The following ARIH2 variants were observed in gnomAD, a reference collection of about 807,000 sequenced individuals.
ARIH2 encodes the protein E3 ubiquitin-protein ligase ARIH2.
A neutral mutation model predicts 79.8 loss-of-function variants in ARIH2; 12 were observed. That is an observed-to-expected ratio of 0.15 (90% CI 0.10 to 0.24). The LOEUF is 0.24. Among genes scored for constraint, ARIH2 ranks in the 10% least tolerant of loss-of-function variants. The pLI, the probability that ARIH2 is intolerant of heterozygous loss-of-function variation, is 1.00. For missense variants in ARIH2, 301 were observed against 618.3 expected (o/e 0.49, Z 5.44); for synonymous variants, 224 against 213.9 (o/e 1.05, Z -0.41).
intron 14 of ARIH2, among the ~76,000 whole-genome samples, chr3:48,982,113 TTTA>T (rs1340247399): frequency 6.6e-6 from 1 of 152,228 alleles, no homozygotes; most frequent in East Asian, 1.9e-4. Context: ...TGAATATGAA[TTTA>T]TTGTTATTAC....
intron 3 of ARIH2, among the ~76,000 whole-genome samples, chr3:48,939,482 GC>G (rs139351797): frequency 0.023 from 3,452 of 151,812 alleles, 147 homozygotes; most frequent in African/African-American, 0.078. Flanking sequence ...AATTAGCTGG[GC>G]GCGGTGACTC....
chr3:48,942,645 A>AT (rs745532484), intron 3 of ARIH2, among the ~76,000 whole-genome samples: 6,362 of 104,538 alleles, frequency 0.061, 245 homozygotes, highest in Non-Finnish European at 0.074. Context: ...TGCCCGGCTA[A>AT]TTTTTTTTTT....
intron 1 of ARIH2, chr3:48,919,256 G>T: frequency 8.2e-7 from 1 of 1,213,636 alleles, no homozygotes. Context: ...ACCAACCGGC[G>T]CCGGCACATC....
chr3:48,957,061 G>A (rs1314294712), intron 3 of ARIH2, among the ~76,000 whole-genome samples: 3 of 152,204 alleles, frequency 2.0e-5, no homozygotes, highest in South Asian at 2.1e-4. Context: ...TAAAAGAATA[G>A]ATTTACACCT....
chr3:48,929,287 G>T (rs1434783985), intron 3 of ARIH2, among the ~76,000 whole-genome samples: 1 of 151,836 alleles, frequency 6.6e-6, no homozygotes. Flanking sequence ...TGCCCTGCTA[G>T]AGACAGCTGA....
chr3:48,968,498 C>A (rs369193392), intron 6 of ARIH2, 36 bp from the exon 7 acceptor site: 1 of 1,591,560 alleles, frequency 6.3e-7, no homozygotes, highest in South Asian at 1.1e-5. Flanking sequence ...CATGAGCTAT[C>A]GCACCTGGCC....
intron 3 of ARIH2, chr3:48,945,324 A>G: frequency 1.5e-6 from 1 of 646,758 alleles, no homozygotes; most frequent in African/African-American, 1.9e-5. Flanking sequence ...CTAAAAAGAT[A>G]AAGAAGCCAC....
intron 2 of ARIH2, among the ~76,000 whole-genome samples, chr3:48,924,264 G>T (rs969177225): frequency 4.6e-5 from 7 of 151,940 alleles, no homozygotes; most frequent in Admixed American, 3.3e-4. Context: ...CAAAGTGTGG[G>T]GATTATGATA....
chr3:48,949,519 A>G (rs1171424197), intron 3 of ARIH2, among the ~76,000 whole-genome samples: 1 of 152,140 alleles, frequency 6.6e-6, no homozygotes, highest in Non-Finnish European at 1.5e-5. Flanking sequence ...AGCACTTGGT[A>G]TTTTAGGTCT....
At chr3:48,946,944 G>A (rs776979137) in intron 3 of ARIH2, among the ~76,000 whole-genome samples, 3 of 152,084 alleles carry the variant, frequency 2.0e-5, no homozygotes, top group Admixed American at 6.5e-5. Context: ...CCTAGCTCCC[G>A]GTAAAATGAG....
intron 1 of ARIH2, chr3:48,919,332 A>G: frequency 1.4e-6 from 1 of 716,708 alleles, no homozygotes; most frequent in Non-Finnish European, 2.0e-6. Flanking sequence ...CACTCGAGTC[A>G]TCTTTGGGAG....
intron 3 of ARIH2, chr3:48,945,083 T>C: frequency 7.8e-7 from 1 of 1,279,672 alleles, no homozygotes; most frequent in Non-Finnish European, 1.0e-6. Flanking sequence ...TTCAGGCAGT[T>C]GGCAAGTAAG....
chr3:48,964,852 G>C (rs980816988), intron 4 of ARIH2, 67 bp from the exon 5 acceptor site: 1 of 1,247,810 alleles, frequency 8.0e-7, no homozygotes, highest in Non-Finnish European at 1.2e-6. Context: ...TCTCTGTCCT[G>C]TTATTGTTCA....
intron 3 of ARIH2, chr3:48,948,928 C>T: frequency 1.7e-5 from 6 of 350,152 alleles, no homozygotes; most frequent in Middle Eastern, 7.7e-4. Context: ...ATGGATATGC[C>T]ACATTTTGTT....
chr3:48,931,406 G>A (rs905140195), intron 3 of ARIH2, among the ~76,000 whole-genome samples: 1 of 152,010 alleles, frequency 6.6e-6, no homozygotes, highest in Non-Finnish European at 1.5e-5. Context: ...AAAATTAGTC[G>A]GGTGTGGTGA....
chr3:48,968,743 C>T, intron 7 of ARIH2, 88 bp downstream of exon 7: 1 of 1,522,364 alleles, frequency 6.6e-7, no homozygotes, highest in South Asian at 1.2e-5. Context: ...GTAGACTAGG[C>T]TGACATTAAG....
intron 3 of ARIH2, among the ~76,000 whole-genome samples, chr3:48,956,306 T>A (rs577702095): frequency 6.6e-6 from 1 of 151,638 alleles, no homozygotes; most frequent in South Asian, 2.1e-4. Context: ...ACCCAGCTAA[T>A]TTTTATATTT....
chr3:48,921,784 C>G (rs948327524), intron 1 of ARIH2, among the ~76,000 whole-genome samples: 12 of 151,530 alleles, frequency 7.9e-5, no homozygotes, highest in Non-Finnish European at 1.3e-4. Flanking sequence ...CAGGGTCTCA[C>G]TCTGTCGCCT....
At chr3:48,967,314 G>A in intron 6 of ARIH2, 39 bp downstream of exon 6, 1 of 1,597,442 alleles carries the variant, frequency 6.3e-7, no homozygotes, top group South Asian at 1.1e-5. Flanking sequence ...CTGGCATGAA[G>A]TGTTTATCTT....
Sources: allele counts gnomAD v4.1 joint callset (sites outside exome capture counted in the v4.1 genomes callset), GRCh38; gene constraint gnomAD v4.1.1; transcripts MANE v1.5; gene names NCBI Gene and HGNC (gene_info 2026-07-23, HGNC 2026-07-21).